ERC2: variants seen among roughly 807,000 people sequenced by gnomAD.
ERC2 encodes the protein ELKS/RAB6-interacting/CAST family member 2, also known as ERC protein 2.
Under a neutral mutation model 114.8 loss-of-function variants are expected in ERC2, and 42 were observed. That is an observed-to-expected ratio of 0.37 (90% confidence interval 0.29 to 0.47). The LOEUF (loss-of-function observed/expected upper bound fraction) is 0.47, where lower values mean the gene tolerates loss of function less well. ERC2 is among the 20% of genes least tolerant of loss of function. The pLI is 0.99. For synonymous variants in ERC2, 454 were observed against 425.5 expected, an observed-to-expected ratio of 1.07 and a Z score of -0.82; for missense variants, 939 against 1,150.7, an observed-to-expected ratio of 0.82 and a Z score of 2.66.
At chr3:55,593,271 T>C in intron 17 of ERC2, among the ~76,000 whole-genome samples, 1 of 152,202 alleles carries the variant, frequency 6.6e-6, no homozygotes, top group East Asian at 1.9e-4. Flanking sequence ...GATAACCATC[T>C]GAGAGCAGGG....
chr3:56,108,638 T>A (rs551767110), intron 6 of ERC2, among the ~76,000 whole-genome samples: 1 of 152,230 alleles, frequency 6.6e-6, no homozygotes, highest in East Asian at 1.9e-4. Flanking sequence ...CTTAAACTAA[T>A]CAATTCTCCC....
intron 3 of ERC2, among the ~76,000 whole-genome samples, chr3:56,219,153 T>TA (rs1045680995): frequency 6.6e-6 from 1 of 151,818 alleles, no homozygotes; most frequent in Non-Finnish European, 1.5e-5. Flanking sequence ...AATAAAATTG[T>TA]AAAAAAAGAC....
intron 3 of ERC2, among the ~76,000 whole-genome samples, chr3:56,175,231 C>A (rs1270221807): frequency 6.6e-6 from 1 of 152,176 alleles, no homozygotes; most frequent in African/African-American, 2.4e-5. Flanking sequence ...ATATTTTCTT[C>A]TCCAACTCAT....
intron 17 of ERC2, among the ~76,000 whole-genome samples, chr3:55,600,768 G>A (rs2058363208): frequency 6.6e-6 from 1 of 152,216 alleles, no homozygotes; most frequent in Non-Finnish European, 1.5e-5. Flanking sequence ...GCAGGCCTTT[G>A]GAAGTTGTCT....
At chr3:55,544,733 G>T (rs1234123793) in intron 17 of ERC2, among the ~76,000 whole-genome samples, 1 of 152,076 alleles carries the variant, frequency 6.6e-6, no homozygotes, top group African/African-American at 2.4e-5. Flanking sequence ...CAGGAGGAGG[G>T]ACAAAATACA....
intron 13 of ERC2, among the ~76,000 whole-genome samples, chr3:55,927,703 T>G (rs552014435): frequency 1.3e-5 from 2 of 152,300 alleles, no homozygotes; most frequent in South Asian, 4.1e-4. Flanking sequence ...TCATCCTATC[T>G]AACTATATTT....
At chr3:56,342,805 G>T (rs1409606449) in intron 2 of ERC2, among the ~76,000 whole-genome samples, 1 of 152,200 alleles carries the variant, frequency 6.6e-6, no homozygotes, top group Non-Finnish European at 1.5e-5. Context: ...GAATAGAGTG[G>T]AGTAGAGAGA....
intron 7 of ERC2, among the ~76,000 whole-genome samples, chr3:56,046,035 G>A (rs1329916308): frequency 6.6e-6 from 1 of 152,142 alleles, no homozygotes; most frequent in Non-Finnish European, 1.5e-5. Context: ...TAGAAGTGCT[G>A]ACACAGTAGA....
chr3:55,848,609 C>T (rs546240328), intron 14 of ERC2, among the ~76,000 whole-genome samples: 4 of 152,140 alleles, frequency 2.6e-5, no homozygotes, highest in East Asian at 3.9e-4. Flanking sequence ...TTGCTTGCTC[C>T]GAGGATGACT....
chr3:55,512,399 C>T (rs1419937995), intron 17 of ERC2, among the ~76,000 whole-genome samples: 2 of 152,194 alleles, frequency 1.3e-5, no homozygotes, highest in African/African-American at 2.4e-5. Context: ...ATTACTCATT[C>T]TGGCACATAA....
intron 7 of ERC2, among the ~76,000 whole-genome samples, chr3:56,049,977 T>G (rs1345382161): frequency 6.6e-6 from 1 of 152,046 alleles, no homozygotes; most frequent in African/African-American, 2.4e-5. Flanking sequence ...GCTACATATC[T>G]ATGGGTCCAT....
intron 7 of ERC2, among the ~76,000 whole-genome samples, chr3:56,054,751 T>C (rs2075931010): frequency 6.6e-6 from 1 of 152,210 alleles, no homozygotes; most frequent in Non-Finnish European, 1.5e-5. Flanking sequence ...TCATCTCTTT[T>C]AGAAAGGCAT....
intron 3 of ERC2, among the ~76,000 whole-genome samples, chr3:56,227,538 A>G (rs1388471720): frequency 6.6e-6 from 1 of 151,792 alleles, no homozygotes. Flanking sequence ...TGCCCTCCCG[A>G]ACAGAAGCCC....
At chr3:56,376,731 C>A (rs2059557195) in intron 2 of ERC2, among the ~76,000 whole-genome samples, 1 of 150,036 alleles carries the variant, frequency 6.7e-6, no homozygotes, top group African/African-American at 2.5e-5. Context: ...CCACTGCACT[C>A]CAGCCTGGAC....
intron 13 of ERC2, among the ~76,000 whole-genome samples, chr3:55,910,231 A>C (rs966789468): frequency 1.4e-4 from 22 of 151,766 alleles, no homozygotes; most frequent in Non-Finnish European, 7.4e-5. Flanking sequence ...CTCTGCTAAA[A>C]AATACAAAAA....
At chr3:56,321,031 T>C (rs924583461) in intron 2 of ERC2, among the ~76,000 whole-genome samples, 1 of 152,194 alleles carries the variant, frequency 6.6e-6, no homozygotes, top group Non-Finnish European at 1.5e-5. Context: ...TACGCTGTCT[T>C]GCTAAGCTTT....
At chr3:56,155,830 G>A (rs1010974510) in intron 4 of ERC2, among the ~76,000 whole-genome samples, 1 of 152,094 alleles carries the variant, frequency 6.6e-6, no homozygotes, top group African/African-American at 2.4e-5. Context: ...TAAGTTTAAA[G>A]AAAAACAGAA....
At chr3:56,108,892 G>A (rs1008635035) in intron 6 of ERC2, among the ~76,000 whole-genome samples, 11 of 151,994 alleles carry the variant, frequency 7.2e-5, no homozygotes, top group Non-Finnish European at 1.5e-4. Context: ...AATGATAGAT[G>A]AGAAATAATA....
intron 14 of ERC2, among the ~76,000 whole-genome samples, chr3:55,872,489 A>G (rs569170887): frequency 6.6e-6 from 1 of 152,350 alleles, no homozygotes; most frequent in South Asian, 2.1e-4. Flanking sequence ...CTTCAATAGA[A>G]AAGCCTTCTC....
Sources: allele counts gnomAD v4.1 joint callset (sites outside exome capture counted in the v4.1 genomes callset), GRCh38; gene constraint gnomAD v4.1.1; transcripts MANE v1.5; gene names NCBI Gene and HGNC (gene_info 2026-07-23, HGNC 2026-07-21).